Variants in PDE1C observed in about 807,000 individuals in gnomAD.
The protein encoded by PDE1C is phosphodiesterase 1C.
PDE1C carries 62 observed loss-of-function variants against 93.1 expected under a neutral mutation model. The observed-to-expected ratio is 0.67, with a 90% confidence interval of 0.54 to 0.82. The LOEUF is 0.82. PDE1C is among the 40% of genes least tolerant of loss of function. The pLI, the probability that PDE1C is intolerant of heterozygous loss-of-function variation, is 0.00. For missense variants in PDE1C, 742 were observed against 884.6 expected, an observed-to-expected ratio of 0.84 and a Z score of 2.04; for synonymous variants, 325 against 310.1, an observed-to-expected ratio of 1.05 and a Z score of -0.50.
At chr7:32,404,186 T>C (rs147049974) in intron 1 of PDE1C, among the ~76,000 whole-genome samples, 113 of 152,260 alleles carry the variant, frequency 7.4e-4, no homozygotes, top group Non-Finnish European at 1.3e-3. Flanking sequence ...GGAATTGCCA[T>C]GGTGGTGCCT....
At chr7:32,240,801 A>G (rs902962351) in intron 1 of PDE1C, among the ~76,000 whole-genome samples, 5 of 152,176 alleles carry the variant, frequency 3.3e-5, no homozygotes, top group Non-Finnish European at 5.9e-5. Flanking sequence ...ATCTTTAAGA[A>G]TTGGTGGGTG....
the PDE1C span, among the ~76,000 whole-genome samples, chr7:31,633,250 G>C: frequency 6.6e-6 from 1 of 152,184 alleles, no homozygotes; most frequent in Non-Finnish European, 1.5e-5. Flanking sequence ...CTTTGGGAAA[G>C]GAGTTCGACA....
rs541464844 is a variant in PDE1C, at chr7:32,180,238, C to A, written c.137-10282G>T. 3.9e-5 allele frequency among the ~76,000 whole-genome samples: 6 copies of A among 152,228 alleles called. No homozygotes were observed. In the South Asian group the frequency reaches 8.3e-4, roughly 21 times the overall value. On this transcript the variant is annotated intron_variant, in intron 2 of 18. Coordinates refer to the PDE1C transcript ENST00000396193. ...AACTTTTCCGGAATTCTGTCTCCTG[C>A]AATTGCAAAAAGATTTGAAAATTTA...
At chr7:31,643,036 C>T in the PDE1C span, 1 of 1,614,012 alleles carries the variant, frequency 6.2e-7, no homozygotes, top group Non-Finnish European at 8.5e-7. Flanking sequence ...GGTCACCAGA[C>T]CCACAGCCAC....
At chr7:31,639,176 C>CT in the PDE1C span, among the ~76,000 whole-genome samples, 1 of 152,178 alleles carries the variant, frequency 6.6e-6, no homozygotes, top group African/African-American at 2.4e-5. Context: ...TGAAACATTT[C>CT]TTCAAAAGCT....
At chr7:32,166,486 C>T (rs1230398130) in intron 3 of PDE1C, among the ~76,000 whole-genome samples, 1 of 152,146 alleles carries the variant, frequency 6.6e-6, no homozygotes, top group African/African-American at 2.4e-5. Flanking sequence ...AAACTGTCTG[C>T]TCCAATACAT....
At chr7:32,179,216 T>C (rs1280484372) in intron 2 of PDE1C, among the ~76,000 whole-genome samples, 2 of 151,312 alleles carry the variant, frequency 1.3e-5, no homozygotes, top group East Asian at 1.9e-4. Flanking sequence ...ATTTTTTACA[T>C]AGGAAACAGG....
intron 3 of PDE1C, among the ~76,000 whole-genome samples, chr7:32,087,964 C>A (rs1212870872): frequency 2.0e-5 from 3 of 151,278 alleles, no homozygotes; most frequent in South Asian, 4.2e-4. Context: ...AACAAACCTG[C>A]ACATTGTGCA....
intron 17 of PDE1C, among the ~76,000 whole-genome samples, chr7:31,758,448 A>T (rs1015127059): frequency 2.0e-5 from 3 of 152,230 alleles, no homozygotes; most frequent in African/African-American, 7.2e-5. Context: ...TGCTATTGAT[A>T]TAACAGTGAA....
intron 3 of PDE1C, among the ~76,000 whole-genome samples, chr7:32,134,000 AC>A (rs1330618676): frequency 1.3e-5 from 2 of 151,998 alleles, no homozygotes; most frequent in Non-Finnish European, 2.9e-5. Flanking sequence ...AGAATACTAT[AC>A]CTGAAATTTA....
At chr7:31,812,204 G>C (rs1352862650) in intron 15 of PDE1C, among the ~76,000 whole-genome samples, 2 of 152,046 alleles carry the variant, frequency 1.3e-5, no homozygotes, top group African/African-American at 4.8e-5. Context: ...CTTTTTAAGG[G>C]AAATGGTAGA....
intron 9 of PDE1C, among the ~76,000 whole-genome samples, chr7:31,841,416 T>C (rs1791882599): frequency 1.3e-5 from 2 of 152,084 alleles, no homozygotes; most frequent in Non-Finnish European, 2.9e-5. Context: ...TGTTGATGAA[T>C]GTAAGATCAA....
At chr7:32,028,071 C>T (rs1789734213) in intron 2 of PDE1C, among the ~76,000 whole-genome samples, 1 of 152,154 alleles carries the variant, frequency 6.6e-6, no homozygotes, top group Non-Finnish European at 1.5e-5. Flanking sequence ...GGCTGTCCAA[C>T]AGCAAGACAC....
At chr7:31,727,993 G>A in the PDE1C span, among the ~76,000 whole-genome samples, 1 of 152,126 alleles carries the variant, frequency 6.6e-6, no homozygotes, top group Non-Finnish European at 1.5e-5. Flanking sequence ...GTAGTGAGCT[G>A]AGATCTCACC....
At chr7:31,805,235 T>C (rs1786669070) in intron 16 of PDE1C, among the ~76,000 whole-genome samples, 2 of 151,622 alleles carry the variant, frequency 1.3e-5, no homozygotes, top group Non-Finnish European at 2.9e-5. Flanking sequence ...TATGTCTTTA[T>C]TAGCGGCCTG....
chr7:32,394,435 A>G (rs944493250), intron 1 of PDE1C, among the ~76,000 whole-genome samples: 1 of 152,152 alleles, frequency 6.6e-6, no homozygotes, highest in African/African-American at 2.4e-5. Flanking sequence ...ATGGGGGAGG[A>G]TCCCTCATTA....
At chr7:32,117,288 A>G (rs1289184920) in intron 3 of PDE1C, among the ~76,000 whole-genome samples, 2 of 152,224 alleles carry the variant, frequency 1.3e-5, no homozygotes, top group East Asian at 3.9e-4. Context: ...GCCACGCTCC[A>G]CTAATAATAA....
At chr7:32,028,158 T>C (rs1302078805) in intron 2 of PDE1C, among the ~76,000 whole-genome samples, 2 of 152,150 alleles carry the variant, frequency 1.3e-5, no homozygotes, top group African/African-American at 2.4e-5. Context: ...TAAGAGCATA[T>C]TGTATTTAAC....
chr7:32,405,692 T>C lies in PDE1C; in HGVS notation c.310+22130A>G, dbSNP rs1175981177. Among the ~76,000 whole-genome samples, 10 of 152,302 alleles carry C rather than the reference T, an allele frequency of 6.6e-5. No homozygotes were observed. In the East Asian group the frequency reaches 1.7e-3, roughly 26 times the overall value. On this transcript the variant is annotated intron_variant, in intron 1 of 1. Coordinates refer to the PDE1C transcript ENST00000672256. Reference sequence around the variant, plus strand: ...CCTTGTGTCCTGTCCTCCAGAGTGGTTAAAACCTGGGTTACTGAGATCAGC... The same window carrying C: ...CCTTGTGTCCTGTCCTCCAGAGTGGCTAAAACCTGGGTTACTGAGATCAGC...
Sources: allele counts gnomAD v4.1 joint callset (sites outside exome capture counted in the v4.1 genomes callset), GRCh38; gene constraint gnomAD v4.1.1; transcripts MANE v1.5; gene names NCBI Gene and HGNC (gene_info 2026-07-23, HGNC 2026-07-21).